Variants in CREB5 observed in about 807,000 individuals in gnomAD.
The protein encoded by CREB5 is cyclic AMP-responsive element-binding protein 5.
In CREB5, 19 loss-of-function variants were observed where a neutral mutation model predicts 57.1. The ratio of observed to expected loss-of-function variants is 0.33; its 90% CI spans 0.23 to 0.49. The LOEUF is 0.49. CREB5 is among the 20% of genes least tolerant of loss of function. The pLI, the probability that CREB5 is intolerant of heterozygous loss-of-function variation, is 0.99. For missense variants in CREB5, 579 were observed against 671.6 expected (o/e 0.86, Z 1.52); for synonymous variants, 238 against 238.3 (o/e 1.00, Z 0.01).
upstream of CREB5, among the ~76,000 whole-genome samples, chr7:28,408,688 G>A (rs1787643637): frequency 6.6e-6 from 1 of 152,188 alleles, no homozygotes; most frequent in South Asian, 2.1e-4. Context: ...CATGAAGCAG[G>A]GGTCCCGCGA....
At chr7:28,555,294 A>C (rs1794820023) in intron 4 of CREB5, among the ~76,000 whole-genome samples, 1 of 152,240 alleles carries the variant, frequency 6.6e-6, no homozygotes, top group African/African-American at 2.4e-5. Context: ...TTAGCTACCC[A>C]GAGAAATCAA....
chr7:28,697,373 A>G (rs2128734751), intron 5 of CREB5, among the ~76,000 whole-genome samples: 1 of 152,246 alleles, frequency 6.6e-6, no homozygotes, highest in East Asian at 1.9e-4. Flanking sequence ...CTGTGTCCTC[A>G]TATAAAATTA....
intron 1 of CREB5, among the ~76,000 whole-genome samples, chr7:28,481,415 G>C (rs1426645539): frequency 1.3e-5 from 2 of 152,128 alleles, no homozygotes; most frequent in East Asian, 1.9e-4. Context: ...CAGGCCTTCT[G>C]GGGGAGACTA....
At chr7:28,658,947 G>GTGTGTGTATATATATATATATATA (rs1799443939) in intron 5 of CREB5, among the ~76,000 whole-genome samples, 5 of 39,346 alleles carry the variant, frequency 1.3e-4, no homozygotes, top group African/African-American at 4.4e-4. Context: ...TTATATGTGT[G>GTGTGTGTATATATATATATATATA]TGTGTGTATA....
chr7:28,542,575 GGTGTGTGTGTGAGT>G (rs1794250735), intron 4 of CREB5, among the ~76,000 whole-genome samples: 2 of 151,886 alleles, frequency 1.3e-5, no homozygotes, highest in Admixed American at 1.3e-4. Context: ...TGAGTGCACG[GGTGTGTGTGTGAGT>G]GTGTGTGTGA....
chr7:28,618,774 G>A, intron 5 of CREB5, among the ~76,000 whole-genome samples: 1 of 152,168 alleles, frequency 6.6e-6, no homozygotes, highest in East Asian at 1.9e-4. Context: ...TGGATAACAA[G>A]CTACCAATGG....
intron 1 of CREB5, among the ~76,000 whole-genome samples, chr7:28,464,136 G>A (rs916983268): frequency 6.6e-6 from 1 of 152,074 alleles, no homozygotes; most frequent in African/African-American, 2.4e-5. Context: ...TATATTGATT[G>A]GTTTTCAGAT....
intron 1 of CREB5, among the ~76,000 whole-genome samples, chr7:28,398,411 T>G (rs1301301881): frequency 6.6e-6 from 1 of 152,156 alleles, no homozygotes; most frequent in Non-Finnish European, 1.5e-5. Context: ...TGCGGGTAGT[T>G]CTAACAACTA....
At chr7:28,767,386 T>C (rs924687086) in intron 7 of CREB5, among the ~76,000 whole-genome samples, 5 of 152,236 alleles carry the variant, frequency 3.3e-5, no homozygotes, top group African/African-American at 1.2e-4. Flanking sequence ...CTTGAGTTGA[T>C]ATATTCATGA....
intron 5 of CREB5, among the ~76,000 whole-genome samples, chr7:28,717,933 C>G (rs187264461): frequency 7.2e-5 from 11 of 152,160 alleles, no homozygotes; most frequent in African/African-American, 2.7e-4. Flanking sequence ...ACAAATAATT[C>G]CCTTTTTCCC....
chr7:28,447,038 C>T (rs910102719), intron 1 of CREB5, among the ~76,000 whole-genome samples: 1 of 152,074 alleles, frequency 6.6e-6, no homozygotes, highest in Non-Finnish European at 1.5e-5. Flanking sequence ...GCTCTGTGTC[C>T]CTGGGCAAGT....
chr7:28,439,155 A>C (rs1308337545), intron 1 of CREB5, among the ~76,000 whole-genome samples: 1 of 152,148 alleles, frequency 6.6e-6, no homozygotes, highest in African/African-American at 2.4e-5. Flanking sequence ...AATAGACCTT[A>C]CACCATCCTC....
intron 4 of CREB5, among the ~76,000 whole-genome samples, chr7:28,560,935 T>TGCGCGTGTGTGC (rs1361765462): frequency 3.6e-5 from 2 of 56,266 alleles, no homozygotes; most frequent in Admixed American, 1.9e-4. Context: ...CGTGCGTGTG[T>TGCGCGTGTGTGC]GCGTGCGTGT....
At chr7:28,628,530 A>G (rs1798086650) in intron 5 of CREB5, among the ~76,000 whole-genome samples, 1 of 152,112 alleles carries the variant, frequency 6.6e-6, no homozygotes, top group South Asian at 2.1e-4. Flanking sequence ...TCTGCATTTC[A>G]GTGGGTAAGA....
chr7:28,663,175 C>T (rs1370384758), intron 5 of CREB5, among the ~76,000 whole-genome samples: 2 of 151,320 alleles, frequency 1.3e-5, no homozygotes, highest in African/African-American at 4.9e-5. Flanking sequence ...AAATGTTCCT[C>T]ATACTAAAAT....
At chr7:28,714,762 T>C (rs1340105504) in intron 5 of CREB5, among the ~76,000 whole-genome samples, 5 of 152,348 alleles carry the variant, frequency 3.3e-5, no homozygotes, top group South Asian at 4.1e-4. Context: ...ATCTGTCAAG[T>C]TGGAAAACTC....
intron 4 of CREB5, among the ~76,000 whole-genome samples, chr7:28,570,161 G>A (rs779073836): frequency 1.3e-5 from 2 of 152,162 alleles, no homozygotes; most frequent in African/African-American, 2.4e-5. Flanking sequence ...TTTCTCACAT[G>A]CTTTACTCTA....
chr7:28,497,273 C>A (rs141484066), intron 3 of CREB5, among the ~76,000 whole-genome samples: 1 of 152,198 alleles, frequency 6.6e-6, no homozygotes, highest in Admixed American at 6.5e-5. Flanking sequence ...AACACTGAAA[C>A]GAAGCATTCT....
intron 1 of CREB5, among the ~76,000 whole-genome samples, chr7:28,431,866 C>T (rs1426583827): frequency 1.3e-5 from 2 of 151,962 alleles, no homozygotes; most frequent in African/African-American, 4.8e-5. Context: ...ACCAGATGAA[C>T]TCTGGGTTGG....
Sources: allele counts gnomAD v4.1 joint callset (sites outside exome capture counted in the v4.1 genomes callset), GRCh38; gene constraint gnomAD v4.1.1; transcripts MANE v1.5; gene names NCBI Gene and HGNC (gene_info 2026-07-23, HGNC 2026-07-21).